The following AKAP6 variants were observed in gnomAD, a reference collection of about 807,000 sequenced individuals.
AKAP6 encodes the protein A-kinase anchoring protein 6.
In AKAP6, 58 loss-of-function variants were observed where a neutral mutation model predicts 188.5. The observed-to-expected ratio is 0.31, with a 90% CI of 0.25 to 0.38. The LOEUF is 0.38. AKAP6 is among the 10% of genes least tolerant of loss of function. The probability of loss-of-function intolerance (pLI) is 1.00; values close to 1 mark genes in which losing one functional copy is unlikely to be tolerated. For missense variants in AKAP6, 2,710 were observed against 2,740.0 expected (o/e 0.99, Z 0.24); for synonymous variants, 989 against 998.6 (o/e 0.99, Z 0.18).
At chr14:32,373,031 T>C (rs1366008257) in intron 1 of AKAP6, among the ~76,000 whole-genome samples, 2 of 152,024 alleles carry the variant, frequency 1.3e-5, no homozygotes, top group Non-Finnish European at 2.9e-5. Flanking sequence ...GAATTTTTGA[T>C]GTTTCAGAGT....
In AKAP6 at chr14:32,748,574, G is replaced by A. The variant is rs552762090; in HGVS notation, c.3372+12692G>A. On this transcript the variant is annotated intron_variant, in intron 11 of 13. Transcript: ENST00000280979. The stretch of plus-strand genomic sequence containing the variant: ...AATTCCTTGGGGTTTCACCTACTTT[G>A]GTGAGTTGTATGATCTCTAGGAACT... Among the ~76,000 whole-genome samples the A allele has an allele frequency of 8.1e-4, 123 of 152,236 alleles. No homozygotes were observed. The Middle Eastern group carries it at 0.01, about 13-fold the overall frequency.
intron 7 of AKAP6, among the ~76,000 whole-genome samples, chr14:32,607,569 A>G (rs1886175113): frequency 6.6e-6 from 1 of 152,204 alleles, no homozygotes; most frequent in African/African-American, 2.4e-5. Context: ...ACATGAGAGA[A>G]GACATGCTTT....
intron 2 of AKAP6, among the ~76,000 whole-genome samples, chr14:32,449,929 T>G (rs1453935786): frequency 6.6e-6 from 1 of 152,178 alleles, no homozygotes; most frequent in African/African-American, 2.4e-5. Flanking sequence ...AGCCAGCTTT[T>G]AATGGCTGGA....
At chr14:32,368,442 T>C (rs1478907244) in intron 1 of AKAP6, among the ~76,000 whole-genome samples, 1 of 152,096 alleles carries the variant, frequency 6.6e-6, no homozygotes, top group Non-Finnish European at 1.5e-5. Flanking sequence ...AGTATTAGTC[T>C]AGGAGAAGTG....
chr14:32,614,911 C>T (rs1886496587), intron 7 of AKAP6, among the ~76,000 whole-genome samples: 1 of 151,834 alleles, frequency 6.6e-6, no homozygotes, highest in Non-Finnish European at 1.5e-5. Context: ...TGGCTCACAC[C>T]TGTTATCCCA....
At chr14:32,391,276 A>G (rs937989089) in intron 1 of AKAP6, among the ~76,000 whole-genome samples, 15 of 152,092 alleles carry the variant, frequency 9.9e-5, no homozygotes, top group Non-Finnish European at 1.8e-4. Context: ...CCTTGGCTGG[A>G]GTGTCTCTGC....
intron 1 of AKAP6, among the ~76,000 whole-genome samples, chr14:32,425,951 G>A (rs1890015868): frequency 6.6e-6 from 1 of 152,116 alleles, no homozygotes; most frequent in South Asian, 2.1e-4. Context: ...GTATTGCCTA[G>A]GTTGTCTCCA....
rs762573455 is a variant in AKAP6, at chr14:32,577,142, A to G, written c.2369A>G (p.Glu790Gly). Residue 790 changes from glutamate to glycine, a missense_variant, in exon 5 of 14, where the codon GAA becomes GGA. By Grantham distance (98) the Glu-to-Gly change is moderately conservative. This residue lies in a region of AKAP6 where 2,473 missense variants were observed against 2,426.1 expected (regional missense o/e 1.02). Transcript: ENST00000280979. ...KIEGFVNKLD[E>G]FIQWLNEAME... ...AAGGGGTTTGTAAACAAACTGGATG[A>G]ATTCATTCAATGGTTAAATGAAGCC... is the stretch of plus-strand genomic sequence containing the variant. 3 of 1,610,256 alleles carry G rather than the reference A, an allele frequency of 1.9e-6. No individual in the cohort carries two copies. In the East Asian group the frequency reaches 6.7e-5, roughly 36 times the overall value.
At chr14:32,742,256 TTCTC>T (rs1029084533) in intron 11 of AKAP6, among the ~76,000 whole-genome samples, 19 of 152,094 alleles carry the variant, frequency 1.2e-4, no homozygotes, top group African/African-American at 4.3e-4. Flanking sequence ...TATTTGGATC[TTCTC>T]TCTTTTTCTT....
chr14:32,473,656 G>A (rs1878897821), intron 2 of AKAP6: 1 of 152,206 alleles, frequency 6.6e-6, no homozygotes, highest in Non-Finnish European at 1.5e-5. Flanking sequence ...TCATTTGAAG[G>A]GGTGTGGATT....
At chr14:32,383,087 ATGTGTGTG>A (rs3031402) in intron 1 of AKAP6, among the ~76,000 whole-genome samples, 19,560 of 143,148 alleles carry the variant, frequency 0.14, 1,520 homozygotes, top group East Asian at 0.37. Context: ...GGCAGATTTT[ATGTGTGTG>A]TGTGTGTGTG....
chr14:32,639,319 A>G (rs1405137130), intron 7 of AKAP6, among the ~76,000 whole-genome samples: 1 of 152,134 alleles, frequency 6.6e-6, no homozygotes, highest in African/African-American at 2.4e-5. Context: ...GGTTTCAAGT[A>G]TATGTCAGAT....
At chr14:32,389,858 G>C (rs957106929) in intron 1 of AKAP6, among the ~76,000 whole-genome samples, 1 of 152,062 alleles carries the variant, frequency 6.6e-6, no homozygotes, top group Non-Finnish European at 1.5e-5. Flanking sequence ...TTTCCCGTGT[G>C]TTCTTGGTGC....
chr14:32,783,714 C>T (rs773352235), intron 12 of AKAP6, among the ~76,000 whole-genome samples: 1 of 152,050 alleles, frequency 6.6e-6, no homozygotes, highest in Non-Finnish European at 1.5e-5. Flanking sequence ...AATTTACGTG[C>T]CATTATCCTC....
At chr14:32,392,281 A>G (rs1039952951) in intron 1 of AKAP6, among the ~76,000 whole-genome samples, 1 of 152,208 alleles carries the variant, frequency 6.6e-6, no homozygotes, top group Non-Finnish European at 1.5e-5. Flanking sequence ...AAGTAAATAT[A>G]TTGCAGTAAA....
intron 12 of AKAP6, among the ~76,000 whole-genome samples, chr14:32,786,296 A>ATGTTTTTTTTTTTTTGTTTTTTT: frequency 5.3e-5 from 5 of 93,718 alleles, no homozygotes; most frequent in African/African-American, 1.2e-4. Flanking sequence ...CTAAACCTTT[A>ATGTTTTTTTTTTTTTGTTTTTTT]TCTTTTTTTT....
At chr14:32,692,586 A>G (rs1016909717) in intron 8 of AKAP6, among the ~76,000 whole-genome samples, 4 of 152,164 alleles carry the variant, frequency 2.6e-5, no homozygotes, top group Admixed American at 6.5e-5. Flanking sequence ...TTGTATTGGT[A>G]TTGGTCTTTG....
rs1450508773 is a variant in AKAP6, at chr14:32,824,239, T to A, written c.6426T>A (p.Thr2142=). ...KSSTPLPLDT[T]DSGLDDKEDI... ...GCACTCCATTGCCACTAGACACCAC[T>A]GACTCGGGCTTAGATGACAAGGAAG... Residue 2142 remains threonine (T), a synonymous_variant, in exon 13 of 14, where the codon ACT becomes ACA. Transcript: ENST00000280979. The A allele has an allele frequency of 6.2e-7, 1 of 1,613,966 alleles. No individual in the cohort carries two copies. Among genetic ancestry groups the A allele is most frequent in the Non-Finnish European group, 8.5e-7 (1 of 1,179,940 alleles).
intron 1 of AKAP6, among the ~76,000 whole-genome samples, chr14:32,418,346 A>C (rs1889727081): frequency 6.6e-6 from 1 of 152,202 alleles, no homozygotes; most frequent in African/African-American, 2.4e-5. Flanking sequence ...CCAAGAGGGC[A>C]AAGGAGGGCA....
Sources: gnomAD v4.1 joint callset for allele counts (sites outside exome capture counted in the v4.1 genomes callset) on GRCh38, gnomAD v4.1.1 for gene constraint, gnomAD v4.1.1 regional missense constraint, MANE v1.5 for transcripts, NCBI Gene and HGNC (gene_info 2026-07-23, HGNC 2026-07-21) for gene names.